The following DRC4 variants were observed in gnomAD, a reference collection of about 807,000 sequenced individuals.
DRC4 encodes the protein dynein regulatory complex subunit 4.
At chr16:90,029,149 C>G in the DRC4 span, 1 of 1,346,198 alleles carries the variant, frequency 7.4e-7, no homozygotes. Context: ...TACGGGGCAG[C>G]CTACGGGGCA....
the DRC4 span, among the ~76,000 whole-genome samples, chr16:90,027,458 A>G: frequency 6.6e-6 from 1 of 152,192 alleles, no homozygotes; most frequent in Non-Finnish European, 1.5e-5. Flanking sequence ...TCCAAATGCA[A>G]CAACAGGATG....
chr16:90,026,160 G>A, the DRC4 span, among the ~76,000 whole-genome samples: 1 of 152,040 alleles, frequency 6.6e-6, no homozygotes, highest in Non-Finnish European at 1.5e-5. Flanking sequence ...AGAAAAGCAT[G>A]GGCTGAAGAC....
chr16:90,031,579 C>T, the DRC4 span: 2 of 1,396,360 alleles, frequency 1.4e-6, no homozygotes, highest in Non-Finnish European at 1.9e-6. Context: ...GCAGGTGGGA[C>T]ATTTTCTGTT....
the DRC4 span, chr16:90,028,890 A>G: frequency 8.1e-7 from 1 of 1,228,214 alleles, no homozygotes; most frequent in Non-Finnish European, 1.1e-6. Context: ...AGTTGGAGCT[A>G]GGCAGAGGTC....
chr16:90,032,994 CTGTT>C, the DRC4 span: 1 of 1,303,994 alleles, frequency 7.7e-7, no homozygotes, highest in East Asian at 2.5e-5. Context: ...GCATGAACTC[CTGTT>C]TATTCAACAG....
chr16:90,031,243 G>T, the DRC4 span: 1 of 1,606,040 alleles, frequency 6.2e-7, no homozygotes, highest in Non-Finnish European at 8.5e-7. Context: ...CACACGCCCC[G>T]TTGCCGTGCA....
the DRC4 span, among the ~76,000 whole-genome samples, chr16:90,032,124 T>G: frequency 6.9e-6 from 1 of 145,920 alleles, no homozygotes; most frequent in East Asian, 2.1e-4. Context: ...TGTACAGGTA[T>G]GGACAGGTGA....
the DRC4 span, among the ~76,000 whole-genome samples, chr16:90,030,770 T>C: frequency 6.6e-6 from 1 of 151,988 alleles, no homozygotes; most frequent in African/African-American, 2.4e-5. Context: ...GTGCGTGCCA[T>C]CATGCCTAGT....
At chr16:90,025,017 CTTTT>C in the DRC4 span, among the ~76,000 whole-genome samples, 4 of 137,330 alleles carry the variant, frequency 2.9e-5, no homozygotes, top group Non-Finnish European at 4.7e-5. Context: ...TTCTCTCTCT[CTTTT>C]TTTTTTTTTT....
the DRC4 span, chr16:90,037,424 C>G: frequency 3.8e-6 from 6 of 1,594,392 alleles, no homozygotes; most frequent in South Asian, 3.4e-5. Context: ...GGATTCCTCT[C>G]CCTCCTTGGC....
At chr16:90,043,026 C>T in the DRC4 span, 25 of 683,296 alleles carry the variant, frequency 3.7e-5, no homozygotes, top group African/African-American at 9.0e-5. Flanking sequence ...CCTGAGCCAA[C>T]GCAGTGAAGG....
chr16:90,025,762 C>G, the DRC4 span, among the ~76,000 whole-genome samples: 1 of 151,030 alleles, frequency 6.6e-6, no homozygotes, highest in East Asian at 1.9e-4. Context: ...TGGCGGGCAC[C>G]TGTAGTCCCA....
chr16:90,032,885 G>C, the DRC4 span: 2 of 1,613,898 alleles, frequency 1.2e-6, no homozygotes, highest in East Asian at 4.5e-5. Flanking sequence ...TCAAGGAGCA[G>C]GAGCTGGCCA....
the DRC4 span, among the ~76,000 whole-genome samples, chr16:90,026,370 G>T: frequency 6.6e-6 from 1 of 152,142 alleles, no homozygotes; most frequent in African/African-American, 2.4e-5. Context: ...GTGCAGTTCC[G>T]TCTGGCAGCC....
At chr16:90,042,529 C>A in the DRC4 span, 1 of 1,613,460 alleles carries the variant, frequency 6.2e-7, no homozygotes, top group South Asian at 1.1e-5. Flanking sequence ...TGGCCCAGGT[C>A]TGTAAGGTAC....
the DRC4 span, chr16:90,031,490 G>C: frequency 3.8e-6 from 6 of 1,560,446 alleles, no homozygotes; most frequent in Non-Finnish European, 4.3e-6. Context: ...ACCAGGTGGA[G>C]ATCAAGGTGA....
chr16:90,043,912 C>T, the DRC4 span: 15 of 444,592 alleles, frequency 3.4e-5, no homozygotes, highest in Admixed American at 3.9e-4. Flanking sequence ...CCAGTCTTCG[C>T]TCTAACTCCC....
chr16:90,031,834 A>G, the DRC4 span, among the ~76,000 whole-genome samples: 1 of 152,164 alleles, frequency 6.6e-6, no homozygotes, highest in Non-Finnish European at 1.5e-5. Flanking sequence ...ATAGGTGAAC[A>G]GGCATGTGTA....
At chr16:90,040,499 G>A in the DRC4 span, 166 of 1,598,824 alleles carry the variant, frequency 1.0e-4, no homozygotes, top group Admixed American at 2.5e-3. Context: ...CTGGTGTCCC[G>A]CAAGCTGGAG....
Sources: allele counts gnomAD v4.1 joint callset (sites outside exome capture counted in the v4.1 genomes callset), GRCh38; gene constraint gnomAD v4.1.1; transcripts MANE v1.5; gene names NCBI Gene and HGNC (gene_info 2026-07-23, HGNC 2026-07-21).